Variants in NAV3 observed in about 807,000 individuals in gnomAD.
NAV3 encodes the protein neuron navigator 3.
NAV3 carries 87 observed loss-of-function variants against 244.7 expected under a neutral mutation model. That is an observed-to-expected ratio of 0.36 (90% CI 0.30 to 0.42). The LOEUF (loss-of-function observed/expected upper bound fraction) is 0.42, where lower values mean the gene tolerates loss of function less well. Ranked by LOEUF, NAV3 falls within the 20% of genes least tolerant of loss-of-function variation. The pLI is 1.00. For synonymous variants in NAV3, 1,126 were observed against 1,042.2 expected (o/e 1.08, Z -1.55); for missense variants, 2,663 against 2,893.3 (o/e 0.92, Z 1.83).
At chr12:77,928,362 A>G (rs961660617) in intron 1 of NAV3, among the ~76,000 whole-genome samples, 2 of 152,180 alleles carry the variant, frequency 1.3e-5, no homozygotes, top group African/African-American at 2.4e-5. Flanking sequence ...GGTTCTCACA[A>G]TGATGATCTG....
chr12:78,026,354 A>C (rs1878053832), intron 9 of NAV3, among the ~76,000 whole-genome samples: 1 of 152,138 alleles, frequency 6.6e-6, no homozygotes, highest in Non-Finnish European at 1.5e-5. Flanking sequence ...AGCAAATTGT[A>C]CCCCTCGAAA....
intron 1 of NAV3, among the ~76,000 whole-genome samples, chr12:77,938,033 A>G (rs1209404535): frequency 6.6e-6 from 1 of 152,122 alleles, no homozygotes; most frequent in Non-Finnish European, 1.5e-5. Flanking sequence ...ACTGGTAGTA[A>G]GTGGTCTCAA....
chr12:77,754,190 C>T (rs756953945), intron 2 of NAV3, among the ~76,000 whole-genome samples: 1 of 151,980 alleles, frequency 6.6e-6, no homozygotes, highest in African/African-American at 2.4e-5. Flanking sequence ...TTTAGAGCTC[C>T]GATTTTGGCC....
At chr12:77,619,367 A>G (rs985153938) in intron 2 of NAV3, among the ~76,000 whole-genome samples, 2 of 152,228 alleles carry the variant, frequency 1.3e-5, no homozygotes, top group Admixed American at 6.5e-5. Flanking sequence ...TGTCAGGCAG[A>G]TCAAGAAATC....
chr12:77,818,671 A>G (rs987571472), intron 2 of NAV3, among the ~76,000 whole-genome samples: 3 of 152,088 alleles, frequency 2.0e-5, no homozygotes, highest in Admixed American at 6.6e-5. Flanking sequence ...CCAGGTTAGT[A>G]TCTGATGGTC....
chr12:78,118,195 T>G lies in NAV3; in HGVS notation c.2938T>G (p.Ser980Ala), dbSNP rs778313400. 5 of 1,613,182 alleles carry G rather than the reference T, an allele frequency of 3.1e-6. No homozygotes were observed. The highest frequency in any genetic ancestry group is 4.2e-6 in the Non-Finnish European group (5 of 1,179,776). ...EDPEKAGQKA[S>A]LSVSQTGSWR... ...CCCCGAGAAGGCAGGGCAGAAAGCT[T>G]CCCTGTCTGTTTCACAGACAGGTTC... is the stretch of plus-strand genomic sequence containing the variant. The change falls in exon 14 of 40, where the codon TCC becomes GCC. Residue 980 changes from serine (S) to alanine (A), a missense_variant. Physicochemically the swap from Ser to Ala is moderately conservative, Grantham distance 99. This residue lies in a region of NAV3 where 1,521 missense variants were observed against 1,497.0 expected (regional missense o/e 1.02). Transcript: ENST00000397909.
chr12:77,945,268 A>G (rs1890229019), intron 3 of NAV3, among the ~76,000 whole-genome samples: 1 of 152,178 alleles, frequency 6.6e-6, no homozygotes, highest in Non-Finnish European at 1.5e-5. Flanking sequence ...CAAGTCCTAA[A>G]GGAAGTAGAA....
chr12:77,654,377 T>C (rs973018999), intron 2 of NAV3, among the ~76,000 whole-genome samples: 1 of 152,156 alleles, frequency 6.6e-6, no homozygotes, highest in South Asian at 2.1e-4. Context: ...GAGATCAAAC[T>C]GCAAGGCGGC....
At chr12:78,182,579 G>A (rs1380743771) in intron 30 of NAV3, among the ~76,000 whole-genome samples, 1 of 151,704 alleles carries the variant, frequency 6.6e-6, no homozygotes, top group Non-Finnish European at 1.5e-5. Context: ...TAGTATCTAG[G>A]AAAAATAGAA....
chr12:77,875,114 AAGAAAATATTTTAAAAATATTTTTATT>A (rs1304775634), intron 1 of NAV3, among the ~76,000 whole-genome samples: 9 of 152,138 alleles, frequency 5.9e-5, no homozygotes, highest in South Asian at 4.1e-4. Context: ...TTTTATGCAA[AAGAAAATATTTTAAAAATATTTTTATT>A]AGAAAATATT....
At chr12:78,183,616 G>A (rs1017233870) in intron 30 of NAV3, among the ~76,000 whole-genome samples, 2 of 151,868 alleles carry the variant, frequency 1.3e-5, no homozygotes, top group Admixed American at 1.3e-4. Context: ...CATAATAAAA[G>A]CAAAGAATAG....
At chr12:77,761,545 T>C (rs775401917) in intron 2 of NAV3, among the ~76,000 whole-genome samples, 8 of 152,108 alleles carry the variant, frequency 5.3e-5, no homozygotes, top group Non-Finnish European at 1.2e-4. Flanking sequence ...AAGGATAATA[T>C]CCAGAATCTG....
chr12:77,903,295 G>T, intron 1 of NAV3, among the ~76,000 whole-genome samples: 1 of 152,148 alleles, frequency 6.6e-6, no homozygotes, highest in African/African-American at 2.4e-5. Flanking sequence ...CAAAAACAGA[G>T]ATATAGACCA....
intron 11 of NAV3, among the ~76,000 whole-genome samples, chr12:78,053,154 A>G (rs1008109189): frequency 1.6e-4 from 24 of 151,646 alleles, no homozygotes; most frequent in African/African-American, 4.8e-4. Flanking sequence ...CAGAAGTTGC[A>G]GTGAGCTGAG....
chr12:78,015,973 T>C (rs1876131406), intron 8 of NAV3, among the ~76,000 whole-genome samples: 1 of 152,108 alleles, frequency 6.6e-6, no homozygotes, highest in Non-Finnish European at 1.5e-5. Context: ...TATCACAACT[T>C]ACTTTGATGC....
At chr12:78,039,803 G>A (rs1016813315) in intron 9 of NAV3, among the ~76,000 whole-genome samples, 1 of 151,720 alleles carries the variant, frequency 6.6e-6, no homozygotes, top group African/African-American at 2.4e-5. Context: ...AACACCTTAT[G>A]AGCAGTGAGA....
intron 1 of NAV3, among the ~76,000 whole-genome samples, chr12:77,868,329 G>A (rs910847835): frequency 3.3e-5 from 5 of 152,030 alleles, no homozygotes; most frequent in Middle Eastern, 3.4e-3. Flanking sequence ...ATATAATAAC[G>A]TATGTTATTC....
intron 5 of NAV3, among the ~76,000 whole-genome samples, chr12:77,977,419 A>G (rs1868645034): frequency 1.3e-5 from 2 of 152,132 alleles, no homozygotes; most frequent in African/African-American, 2.4e-5. Flanking sequence ...CCTTTATATA[A>G]TGGAATAACA....
intron 2 of NAV3, among the ~76,000 whole-genome samples, chr12:77,703,744 C>T (rs535012719): frequency 1.2e-4 from 19 of 152,142 alleles, no homozygotes; most frequent in Admixed American, 7.2e-4. Context: ...TTGACAATTC[C>T]ACAAAATTAA....
Sources: gnomAD v4.1 joint callset for allele counts (sites outside exome capture counted in the v4.1 genomes callset) on GRCh38, gnomAD v4.1.1 for gene constraint, gnomAD v4.1.1 regional missense constraint, MANE v1.5 for transcripts, NCBI Gene and HGNC (gene_info 2026-07-23, HGNC 2026-07-21) for gene names.